Variants in TMEM72 observed in about 807,000 individuals in gnomAD.
TMEM72 encodes transmembrane protein 72, also known as kidney-specific secretory protein of 37 kDa.
In TMEM72, 9 loss-of-function variants were observed where a neutral mutation model predicts 16.3. That is an observed-to-expected ratio of 0.55 (90% CI 0.33 to 0.96). The LOEUF (loss-of-function observed/expected upper bound fraction) is 0.96, where lower values mean the gene tolerates loss of function less well. Among genes scored for constraint, TMEM72 ranks in the 40% least tolerant of loss-of-function variants. The pLI is 0.03. For missense variants in TMEM72, 324 were observed against 337.8 expected, an observed-to-expected ratio of 0.96 and a Z score of 0.32; for synonymous variants, 160 against 146.5, an observed-to-expected ratio of 1.09 and a Z score of -0.66.
intron 2 of TMEM72, among the ~76,000 whole-genome samples, chr10:44,929,201 T>C (rs1032875140): frequency 5.3e-5 from 8 of 152,152 alleles, no homozygotes; most frequent in African/African-American, 1.7e-4. Context: ...CCTCTGTAAG[T>C]GTGTCCTGGC....
chr10:44,919,009 G>C (rs7911339), intron 1 of TMEM72, among the ~76,000 whole-genome samples: 84,176 of 152,044 alleles, frequency 0.55, 23,880 homozygotes, highest in Middle Eastern at 0.63. Context: ...TTTGGTTATA[G>C]CAGCCGAAAT....
chr10:44,924,066 C>T (rs937328252), intron 1 of TMEM72, among the ~76,000 whole-genome samples: 10 of 152,208 alleles, frequency 6.6e-5, no homozygotes, highest in African/African-American at 1.4e-4. Flanking sequence ...ACCATCTGCA[C>T]GGGGTCAGGG....
chr10:44,921,210 G>A (rs1406112752), intron 1 of TMEM72, among the ~76,000 whole-genome samples: 1 of 152,244 alleles, frequency 6.6e-6, no homozygotes, highest in Non-Finnish European at 1.5e-5. Flanking sequence ...AAGGTGCGAT[G>A]CAAGGCACCT....
At position 44,932,013 on chromosome 10, in the gene TMEM72, T is replaced by C. The variant is rs373826264; in HGVS notation, c.153T>C (p.Ala51=). ...LAFYLLFTGA[A]VSICEGAYFV... ...CCACCTGCAGGTTTACAGGAGCCGC[T>C]GTCTCCATATGTGAAGGGGCCTACT... Residue 51 remains alanine, a synonymous_variant, in exon 3 of 5, where the codon GCT becomes GCC. Coordinates refer to ENST00000389583, the MANE Select transcript of TMEM72 (RefSeq NM_001123376.3). 3.4e-5 allele frequency: 55 copies of C among 1,613,084 alleles called. No homozygotes were observed. Among genetic ancestry groups the C allele is most frequent in the Non-Finnish European group, 4.4e-5 (52 of 1,179,674 alleles).
intron 3 of TMEM72, among the ~76,000 whole-genome samples, chr10:44,932,686 C>A (rs1290730238): frequency 1.3e-5 from 2 of 152,206 alleles, no homozygotes; most frequent in Non-Finnish European, 2.9e-5. Context: ...CCAGATGTCC[C>A]AGCACCTTGC....
At position 44,919,023 on chromosome 10, in the gene TMEM72, C is replaced by G. The variant is rs144498686; in HGVS notation, c.70+7441C>G. Among the ~76,000 whole-genome samples the G allele has an allele frequency of 2.9e-4, 44 of 152,208 alleles. 1 individual carries two copies. In the East Asian group the frequency reaches 8.3e-3, roughly 29 times the overall value. On this transcript the variant is annotated intron_variant, in intron 1 of 4. Transcript: ENST00000389583. ...ATTTGGTTATAGCAGCCGAAATGGA[C>G]TAAGACATCATATTTAAAAACTAAA...
At chr10:44,933,027 G>T (rs1386333898) in intron 3 of TMEM72, among the ~76,000 whole-genome samples, 1 of 152,244 alleles carries the variant, frequency 6.6e-6, no homozygotes, top group Non-Finnish European at 1.5e-5. Flanking sequence ...GGATGGAGGC[G>T]CTGGGTCTAA....
At chr10:44,920,767 G>A (rs949029333) in intron 1 of TMEM72, among the ~76,000 whole-genome samples, 5 of 152,182 alleles carry the variant, frequency 3.3e-5, no homozygotes, top group African/African-American at 7.2e-5. Context: ...AGCAGTGGTC[G>A]GCACCATTTT....
At chr10:44,916,087 T>C (rs565404624) in intron 1 of TMEM72, among the ~76,000 whole-genome samples, 1 of 152,300 alleles carries the variant, frequency 6.6e-6, no homozygotes, top group East Asian at 1.9e-4. Flanking sequence ...AGAGGTCACA[T>C]GGCCAGGAGA....
At chr10:44,920,208 G>A (rs982305343) in intron 1 of TMEM72, 1 of 152,264 alleles carries the variant, frequency 6.6e-6, no homozygotes, top group African/African-American at 2.4e-5. Context: ...GGCATCCAGT[G>A]CCAAGGTTAG....
chr10:44,928,127 G>T lies in TMEM72; in HGVS notation c.137+140G>T, dbSNP rs187708474. On this transcript the variant is annotated intron_variant, in intron 2 of 4. Coordinates refer to ENST00000389583, the MANE Select transcript of TMEM72 (RefSeq NM_001123376.3). ...CTCAGGGGTGAAGGGAGTTGAGGGG[G>T]GCTCTAGAATAGCTCCTGGTTTGTG... 2.4e-4 allele frequency: 215 copies of T among 910,952 alleles called. No individual in the cohort carries two copies. In the African/African-American group the frequency reaches 3.3e-3, roughly 14 times the overall value. The allele number at this position is 910,952 out of a possible 1,614,324, so 56.4% of individuals were successfully genotyped here. A position where few individuals can be genotyped will look rare whatever the true frequency, so the allele number is the denominator to read the frequency against.
intron 2 of TMEM72, among the ~76,000 whole-genome samples, chr10:44,928,277 C>CT (rs1342477440): frequency 6.7e-6 from 1 of 150,228 alleles, no homozygotes; most frequent in Non-Finnish European, 1.5e-5. Flanking sequence ...CATCCATCCA[C>CT]TCACCCACCA....
chr10:44,914,741 A>G (rs907052490), intron 1 of TMEM72, among the ~76,000 whole-genome samples: 3 of 152,116 alleles, frequency 2.0e-5, no homozygotes, highest in African/African-American at 4.8e-5. Context: ...GGTCCTGGGA[A>G]ATGGATTTAA....
intron 1 of TMEM72, among the ~76,000 whole-genome samples, chr10:44,914,584 C>G (rs1056430417): frequency 9.2e-5 from 14 of 152,294 alleles, no homozygotes; most frequent in Non-Finnish European, 1.5e-4. Context: ...GTGCGGATGC[C>G]GGAGCTCCTG....
At chr10:44,931,928 G>T in intron 2 of TMEM72, 70 bp from the exon 3 acceptor site, 1 of 1,504,226 alleles carries the variant, frequency 6.6e-7, no homozygotes, top group Non-Finnish European at 9.1e-7. Flanking sequence ...GGCCACGTGT[G>T]AGAAGACAGC....
At chr10:44,928,046 T>A (rs1053481544) in intron 2 of TMEM72, 59 bp downstream of exon 2, 88 of 1,577,278 alleles carry the variant, frequency 5.6e-5, no homozygotes, top group Non-Finnish European at 7.2e-5. Context: ...TCACCCTACA[T>A]CTGTCTACTC....
At chr10:44,929,905 G>C (rs12766848) in intron 2 of TMEM72, among the ~76,000 whole-genome samples, 1 of 152,370 alleles carries the variant, frequency 6.6e-6, no homozygotes, top group Non-Finnish European at 1.5e-5. Context: ...AGCCCCTGCT[G>C]GCTGGCAGTG....
chr10:44,927,897 C>A (rs554084830), intron 1 of TMEM72, 24 bp from the exon 2 acceptor site: 1 of 1,613,198 alleles, frequency 6.2e-7, no homozygotes, highest in South Asian at 1.1e-5. Context: ...CAGGCCCACT[C>A]TTCCTTCTTC....
Position 44,936,492 on chromosome 10 carries a change from C to T in TMEM72, c.*1358C>T, listed in dbSNP as rs991189783. The T allele has an allele frequency of 7.9e-5, 12 of 152,226 alleles. No homozygotes were observed. Among genetic ancestry groups the T allele is most frequent in the African/African-American group, 2.9e-4 (12 of 41,454 alleles). The allele number at this position is 152,226 out of a possible 1,614,324, so 9.4% of individuals were successfully genotyped here. On this transcript the variant is annotated 3_prime_UTR_variant, in exon 5 of 5. Coordinates refer to ENST00000389583, the MANE Select transcript of TMEM72 (RefSeq NM_001123376.3). Reference sequence around the variant, plus strand: ...GTATCAGTTTGGGGCCTAAATGCAGCAGGTGTTCCTGATAAGCAGATAAGC... The same window carrying T: ...GTATCAGTTTGGGGCCTAAATGCAGTAGGTGTTCCTGATAAGCAGATAAGC...
Sources: allele counts gnomAD v4.1 joint callset (sites outside exome capture counted in the v4.1 genomes callset), GRCh38; gene constraint gnomAD v4.1.1; transcripts MANE v1.5; gene names NCBI Gene and HGNC (gene_info 2026-07-23, HGNC 2026-07-21).